The following TBL1X variants were observed in gnomAD, a reference collection of about 807,000 sequenced individuals.
The protein encoded by TBL1X is transducin beta like 1 X-linked.
In TBL1X, 10 loss-of-function variants were observed where a neutral mutation model predicts 50.7. That is an observed-to-expected ratio of 0.20 (90% CI 0.12 to 0.33). The LOEUF (loss-of-function observed/expected upper bound fraction) is 0.33. TBL1X is among the 10% of genes least tolerant of loss of function. The pLI, the probability that TBL1X is intolerant of heterozygous loss-of-function variation, is 1.00. For synonymous variants in TBL1X, 190 were observed against 214.7 expected, an observed-to-expected ratio of 0.88 and a Z score of 1.01; for missense variants, 340 against 504.4, an observed-to-expected ratio of 0.67 and a Z score of 3.12.
intron 5 of TBL1X, among the ~76,000 whole-genome samples, chrX:9,656,253 C>T (rs1035695766): frequency 5.3e-5 from 6 of 112,210 alleles, no homozygotes; most frequent in African/African-American, 6.5e-5. Flanking sequence ...GCTTCCCTGT[C>T]GACTTGTGGC....
intron 9 of TBL1X, 101 bp from the exon 10 acceptor site, chrX:9,693,048 G>A (rs2083108632): frequency 1.2e-6 from 1 of 824,649 alleles, no homozygotes; most frequent in Non-Finnish European, 1.8e-6. Flanking sequence ...AGTGGCAAAT[G>A]GTTCCAGTGT....
chrX:9,652,588 G>A (rs1276930666), intron 3 of TBL1X, among the ~76,000 whole-genome samples: 3 of 112,439 alleles, frequency 2.7e-5, no homozygotes, highest in South Asian at 3.6e-4. Flanking sequence ...CGGGCGTGGC[G>A]GCTCACGCCT....
At chrX:9,563,917 A>G (rs1045438426) in intron 2 of TBL1X, among the ~76,000 whole-genome samples, 3 of 112,757 alleles carry the variant, frequency 2.7e-5, no homozygotes, top group Non-Finnish European at 5.6e-5. Context: ...TTGTCATGAC[A>G]TATTAGAACA....
intron 1 of TBL1X, among the ~76,000 whole-genome samples, chrX:9,473,420 A>T (rs2081829927): frequency 8.9e-6 from 1 of 112,263 alleles, no homozygotes; most frequent in African/African-American, 3.2e-5. Context: ...AACTTCTGAC[A>T]GTAGCAGGAG....
chrX:9,700,227 GCCCTAGACACGCAGA>G (rs760488683), intron 12 of TBL1X, among the ~76,000 whole-genome samples: 1,629 of 112,480 alleles, frequency 0.014, 16 homozygotes, highest in Non-Finnish European at 0.022. Context: ...CAGGTTCACA[GCCCTAGACACGCAGA>G]CCCCGGGGGG....
chrX:9,665,489 C>CTATATATATATATATATATATA (rs56756151), intron 5 of TBL1X, among the ~76,000 whole-genome samples: 9 of 19,804 alleles, frequency 4.5e-4, no homozygotes, highest in Admixed American at 9.3e-4. Flanking sequence ...GATATTCAAG[C>CTATATATATATATATATATATA]TATATATATA....
chrX:9,592,461 T>G (rs2082505603), intron 2 of TBL1X, among the ~76,000 whole-genome samples: 1 of 112,200 alleles, frequency 8.9e-6, no homozygotes, highest in Admixed American at 9.4e-5. Context: ...CATATTCTGT[T>G]TTTTTTATTG....
At position 9,678,032 on chromosome X, in the gene TBL1X, C is replaced by T. The variant is rs1028994197; in HGVS notation, c.212-6011C>T. ...CATCCAATATGGTCCTTCCTTCTTT[C>T]TTCTCTTCTGTTTCTTTCCTTTGCT... On this transcript the variant is annotated intron_variant, in intron 5 of 17. Transcript: ENST00000645353. Among the ~76,000 whole-genome samples the T allele has an allele frequency of 1.5e-4, 17 of 111,972 alleles. 1 individual carries two copies. Among genetic ancestry groups the T allele is most frequent in the Admixed American group, 1.5e-3 (16 of 10,559 alleles).
At chrX:9,508,182 G>A (rs2082035707) in intron 2 of TBL1X, among the ~76,000 whole-genome samples, 1 of 112,095 alleles carries the variant, frequency 8.9e-6, no homozygotes, top group Non-Finnish European at 1.9e-5. Flanking sequence ...GAAAACTTCT[G>A]CAATCTACCC....
At chrX:9,705,394 G>T (rs940435510) in intron 13 of TBL1X, among the ~76,000 whole-genome samples, 5 of 111,429 alleles carry the variant, frequency 4.5e-5, no homozygotes, top group African/African-American at 1.6e-4. Context: ...GGACATCAAG[G>T]AAAGGATGCT....
chrX:9,602,189 C>T (rs766536797), intron 2 of TBL1X, among the ~76,000 whole-genome samples: 14 of 111,804 alleles, frequency 1.3e-4, no homozygotes, highest in Non-Finnish European at 2.6e-4. Context: ...ATAAGCACAG[C>T]GATATTCTAT....
chrX:9,664,744 C>G (rs1375729904), intron 5 of TBL1X, among the ~76,000 whole-genome samples: 1 of 111,521 alleles, frequency 9.0e-6, no homozygotes, highest in Non-Finnish European at 1.9e-5. Flanking sequence ...TGAATGGCCA[C>G]AACATATAAT....
chrX:9,555,532 A>G (rs1330656839), intron 2 of TBL1X, among the ~76,000 whole-genome samples: 1 of 111,675 alleles, frequency 9.0e-6, no homozygotes, highest in African/African-American at 3.3e-5. Flanking sequence ...ACATGCACAT[A>G]TGCTTTTATT....
chrX:9,505,914 T>C, intron 2 of TBL1X, among the ~76,000 whole-genome samples: 1 of 112,141 alleles, frequency 8.9e-6, no homozygotes, highest in Admixed American at 9.4e-5. Context: ...TTAACAAGGA[T>C]ATTCAGGACT....
At chrX:9,574,987 G>T (rs1419668749) in intron 2 of TBL1X, among the ~76,000 whole-genome samples, 3 of 111,626 alleles carry the variant, frequency 2.7e-5, no homozygotes, top group Non-Finnish European at 5.6e-5. Flanking sequence ...CACTGTATTA[G>T]TCTGTTTTCA....
At chrX:9,568,031 G>T (rs747446436) in intron 2 of TBL1X, among the ~76,000 whole-genome samples, 1 of 112,068 alleles carries the variant, frequency 8.9e-6, no homozygotes, top group South Asian at 3.7e-4. Context: ...GGCACGCTGC[G>T]TTGATTGGCC....
At chrX:9,632,949 A>C (rs768133483) in intron 2 of TBL1X, among the ~76,000 whole-genome samples, 8 of 112,444 alleles carry the variant, frequency 7.1e-5, no homozygotes, top group African/African-American at 2.6e-4. Context: ...CCATGAACAT[A>C]CTAAAGGGAA....
intron 7 of TBL1X, among the ~76,000 whole-genome samples, chrX:9,689,231 G>A (rs755764811): frequency 1.8e-5 from 2 of 112,318 alleles, no homozygotes; most frequent in Non-Finnish European, 1.9e-5. Flanking sequence ...TGACTATGAC[G>A]TTGCTGTCTT....
chrX:9,580,026 A>G (rs934045002), intron 2 of TBL1X, among the ~76,000 whole-genome samples: 2 of 111,871 alleles, frequency 1.8e-5, no homozygotes, highest in Non-Finnish European at 3.8e-5. Context: ...AAAATATTTG[A>G]AGAGATTTAT....
Sources: gnomAD v4.1 joint callset for allele counts (sites outside exome capture counted in the v4.1 genomes callset) on GRCh38, gnomAD v4.1.1 for gene constraint, MANE v1.5 for transcripts, NCBI Gene and HGNC (gene_info 2026-07-23, HGNC 2026-07-21) for gene names.